Variants in BSCL2 observed in about 807,000 individuals in gnomAD.
The protein encoded by BSCL2 is BSCL2 lipid droplet biogenesis associated, seipin, also known as seipin.
In BSCL2, 41 loss-of-function variants were observed where a neutral mutation model predicts 57.4. That is an observed-to-expected ratio of 0.71 (90% CI 0.56 to 0.93). The LOEUF is 0.93. Among genes scored for constraint, BSCL2 ranks in the 40% least tolerant of loss-of-function variants. The pLI is 0.00. For missense variants in BSCL2, 539 were observed against 586.7 expected, an observed-to-expected ratio of 0.92 and a Z score of 0.84; for synonymous variants, 237 against 227.3, an observed-to-expected ratio of 1.04 and a Z score of -0.38.
intron 2 of BSCL2, among the ~76,000 whole-genome samples, chr11:62,704,597 C>T (rs1027440735): frequency 6.7e-6 from 1 of 150,142 alleles, no homozygotes; most frequent in African/African-American, 2.5e-5. Context: ...ACTAAAAATA[C>T]AAAAATTAGC....
In BSCL2 at chr11:62,705,600, T is replaced by C. The variant is rs2134741297; in HGVS notation, c.105A>G (p.Ala35=). The C allele has an allele frequency of 7.8e-6, 12 of 1,544,368 alleles. No individual in the cohort carries two copies. The highest frequency in any genetic ancestry group is 1.1e-5 in the Non-Finnish European group (12 of 1,141,244). ...PDKEEEPPAA[A]SHGQGWRPGG... ...CTGGACGCCACCCCTGGCCATGGGA[T>C]GCAGCAGCTGGTGGTTCCTGGAAAG... Residue 35 remains alanine (A), a synonymous_variant, in exon 2 of 11, where the codon GCA becomes GCG. Transcript: ENST00000360796.
At position 62,692,676 on chromosome 11, in the gene BSCL2, T is replaced by C; in HGVS notation, c.752A>G (p.Tyr251Cys). 6.2e-7 allele frequency: 1 copy of C among 1,614,124 alleles called. No homozygotes were observed. The highest frequency in any genetic ancestry group is 8.5e-7 in the Non-Finnish European group (1 of 1,180,028). ...CACCTCACTCACCGAGTTCTCTCTA[T>C]AGTCTGCGTAGAGTTCCACCTCCAG... ...QLLEVELYADYRENSYVPTTG... is the reference protein window; with the variant it reads ...QLLEVELYADCRENSYVPTTG... The change falls in exon 5 of 11, where the codon TAT becomes TGT. Residue 251 changes from tyrosine (Y) to cysteine (C), a missense_variant. Physicochemically the swap from Tyr to Cys is radical, Grantham distance 194. This residue lies in a region of BSCL2 where 73 missense variants were observed against 122.0 expected (regional missense o/e 0.60). Coordinates refer to ENST00000360796, the MANE Select transcript of BSCL2 (RefSeq NM_001122955.4).
chr11:62,694,442 C>T (rs1411574393), intron 4 of BSCL2, 126 bp downstream of exon 4: 11 of 1,396,616 alleles, frequency 7.9e-6, no homozygotes, highest in South Asian at 2.4e-5. Context: ...TGGGCTCAAG[C>T]GATCTGCCTG....
In BSCL2 at chr11:62,691,143, T is replaced by C. The variant is rs879254029; in HGVS notation, c.1006-2A>G. 1 of 1,614,226 alleles carries C rather than the reference T, an allele frequency of 6.2e-7. No homozygotes were observed. ...ATTGTCTCTTTTTCGGATGTTAACC[T>C]GTGGAGGAAAAACTACTGAGCAGCC... On this transcript the variant is annotated splice_acceptor_variant, in intron 7 of 10. Transcript: ENST00000360796. LOFTEE classifies it high-confidence loss of function.
intron 3 of BSCL2, among the ~76,000 whole-genome samples, chr11:62,695,254 G>C (rs1275888451): frequency 4.6e-5 from 7 of 152,168 alleles, no homozygotes; most frequent in Non-Finnish European, 4.4e-5. Context: ...AGAGGTTAAA[G>C]ATTTGCCACC....
upstream of BSCL2, chr11:62,709,502 A>G (rs1565156054): frequency 6.6e-6 from 3 of 454,006 alleles, no homozygotes; most frequent in Non-Finnish European, 1.3e-5. Context: ...CGTACAGCAG[A>G]GGAACTCTTA....
At chr11:62,696,279 TG>T (rs771191403) in intron 3 of BSCL2, among the ~76,000 whole-genome samples, 1,121 of 9,668 alleles carry the variant, frequency 0.12, 4 homozygotes, top group Non-Finnish European at 0.37. Context: ...ATAAACTTTT[TG>T]TGTGTGTGTG....
upstream of BSCL2, chr11:62,708,159 TGGA>T (rs764921317): frequency 4.6e-4 from 320 of 688,650 alleles, no homozygotes; most frequent in Non-Finnish European, 5.0e-4. Flanking sequence ...GACAGTCCAC[TGGA>T]GGAGGAGGAG....
chr11:62,704,229 C>T (rs912207671), intron 2 of BSCL2, among the ~76,000 whole-genome samples: 2 of 151,404 alleles, frequency 1.3e-5, no homozygotes, highest in South Asian at 2.1e-4. Flanking sequence ...GATGGATCAC[C>T]TGCATTCAGG....
chr11:62,706,293 G>T, intron 1 of BSCL2: 1 of 1,116,794 alleles, frequency 9.0e-7, no homozygotes. Flanking sequence ...CCGTGAGACG[G>T]GACTTCCGGC....
At position 62,690,417 on chromosome 11, in the gene BSCL2, C is replaced by T. The variant is rs1200019034; in HGVS notation, c.1339G>A (p.Glu447Lys). Reference sequence around the variant, plus strand: ...TGTCGGAGAGCACCCCCAGCAGGTTCAGAGCTGCCCAGAGTCTCTAGGACA... The same window carrying T: ...TGTCGGAGAGCACCCCCAGCAGGTTTAGAGCTGCCCAGAGTCTCTAGGACA... ...APVLETLGSSEPAGGALRQRP... is the reference protein window; with the variant it reads ...APVLETLGSSKPAGGALRQRP... Residue 447 changes from glutamate (E) to lysine (K), a missense_variant, in exon 11 of 11, where the codon GAA becomes AAA. Glu to Lys is a moderately conservative substitution (Grantham distance 56). This residue lies in a region of BSCL2 where 248 missense variants were observed against 239.9 expected (regional missense o/e 1.03). Transcript: ENST00000360796. The T allele has an allele frequency of 6.2e-7, 1 of 1,614,152 alleles. No homozygotes were observed. Among genetic ancestry groups the T allele is most frequent in the South Asian group, 1.1e-5 (1 of 91,080 alleles).
intron 3 of BSCL2, among the ~76,000 whole-genome samples, chr11:62,699,291 A>G (rs1350418065): frequency 1.3e-5 from 2 of 150,166 alleles, no homozygotes; most frequent in Non-Finnish European, 3.0e-5. Context: ...TCCGCCTCCC[A>G]GGTTCACACC....
chr11:62,691,014 C>T (rs192386468), intron 8 of BSCL2, 61 bp downstream of exon 8: 184 of 1,599,760 alleles, frequency 1.2e-4, no homozygotes, highest in Non-Finnish European at 1.9e-5. Context: ...GCAGGGACTC[C>T]TTCTGGCCCA....
chr11:62,691,182 C>T (rs1945299823), intron 7 of BSCL2, 41 bp from the exon 8 acceptor site: 7 of 1,613,854 alleles, frequency 4.3e-6, no homozygotes, highest in Non-Finnish European at 5.9e-6. Flanking sequence ...ACTGACTTCC[C>T]TCACTAACAA....
chr11:62,702,565 G>A lies in BSCL2; in HGVS notation c.405-16C>T, dbSNP rs1281830675. On this transcript the variant is annotated splice_polypyrimidine_tract_variant and intron_variant, in intron 2 of 10. Transcript: ENST00000360796. Reference sequence around the variant, plus strand: ...ACAGTCGGTCCTAAATGAGATTGGAGGAGGATACTCTGCTAAGTTAGTCTT... The same window carrying A: ...ACAGTCGGTCCTAAATGAGATTGGAAGAGGATACTCTGCTAAGTTAGTCTT... 6.2e-7 allele frequency: 1 copy of A among 1,603,348 alleles called. No individual in the cohort carries two copies.
At chr11:62,700,232 C>T (rs1209830190) in intron 3 of BSCL2, among the ~76,000 whole-genome samples, 2 of 151,368 alleles carry the variant, frequency 1.3e-5, no homozygotes, top group African/African-American at 2.4e-5. Context: ...CAGGGCAAAA[C>T]CTTGTCTTGA....
rs1404937485 is a variant in BSCL2, at chr11:62,706,764, C to T, written c.87+345G>A. 5.6e-6 allele frequency: 3 copies of T among 540,210 alleles called. No homozygotes were observed. The African/African-American group carries it at 5.7e-5, about 10-fold the overall frequency. The allele number at this position is 540,210 out of a possible 1,614,324, so 33.5% of individuals were successfully genotyped here. ...TGTTGCAGTTTGCGGCAACCTGGGC[C>T]TCTTGCGTTGTTGCGCAGGCAGATT... On this transcript the variant is annotated intron_variant, in intron 1 of 10. Coordinates refer to ENST00000360796, the MANE Select transcript of BSCL2 (RefSeq NM_001122955.4).
chr11:62,692,754 G>A lies in BSCL2; in HGVS notation c.674C>T (p.Thr225Ile). The A allele has an allele frequency of 6.2e-7, 1 of 1,614,094 alleles. No individual in the cohort carries two copies. The change falls in exon 5 of 11, where the codon ACA becomes ATA. Residue 225 changes from threonine (T) to isoleucine (I), a missense_variant. Physicochemically the swap from Thr to Ile is moderately conservative, Grantham distance 89. Around this residue, in one of 3 missense-constraint regions of BSCL2, gnomAD observed 73 missense variants for 122.0 expected, o/e 0.60. Coordinates refer to ENST00000360796, the MANE Select transcript of BSCL2 (RefSeq NM_001122955.4). ...YRSDLLQMLDTLVFSSLLLFG... is the reference protein window; with the variant it reads ...YRSDLLQMLDILVFSSLLLFG... ...TAGCAGGAGGCTAGAGAAGACCAGT[G>A]TGTCCAGCATCTGGAGCAGGTCTGA...
chr11:62,695,668 G>A (rs763786132), intron 3 of BSCL2, among the ~76,000 whole-genome samples: 4 of 139,582 alleles, frequency 2.9e-5, no homozygotes, highest in African/African-American at 1.1e-4. Context: ...CCGAGAGCGC[G>A]CCATTGCACT....
Sources: allele counts gnomAD v4.1 joint callset (sites outside exome capture counted in the v4.1 genomes callset), GRCh38; gene constraint gnomAD v4.1.1; regional missense constraint gnomAD v4.1.1; transcripts MANE v1.5; gene names NCBI Gene and HGNC (gene_info 2026-07-23, HGNC 2026-07-21).